PLPBP: variants seen among roughly 807,000 people sequenced by gnomAD.
PLPBP encodes pyridoxal phosphate homeostasis protein.
In PLPBP, 21 loss-of-function variants were observed where a neutral mutation model predicts 31.2. That is an observed-to-expected ratio of 0.67 (90% confidence interval 0.48 to 0.97). The LOEUF (loss-of-function observed/expected upper bound fraction) is 0.97, where lower values mean the gene tolerates loss of function less well. PLPBP is among the 50% of genes least tolerant of loss of function. PLPBP has a pLI of 0.00. For synonymous variants in PLPBP, 124 were observed against 135.6 expected (o/e 0.91, Z 0.59); for missense variants, 308 against 354.4 (o/e 0.87, Z 1.05).
At chr8:37,775,502 T>C in intron 6 of PLPBP, 21 bp downstream of exon 6, 1 of 1,612,960 alleles carries the variant, frequency 6.2e-7, no homozygotes, top group Non-Finnish European at 8.5e-7. Flanking sequence ...GTCGGGGAGA[T>C]TGCTCGTGTG....
intron 5 of PLPBP, among the ~76,000 whole-genome samples, chr8:37,774,205 C>A (rs1211965276): frequency 1.3e-5 from 2 of 151,688 alleles, no homozygotes; most frequent in Non-Finnish European, 2.9e-5. Context: ...AGTTAGACTC[C>A]ATCTCAAAAA....
intron 1 of PLPBP, among the ~76,000 whole-genome samples, chr8:37,764,071 C>CTTTTTTTTTTTTTT (rs111913973): frequency 2.4e-5 from 3 of 126,900 alleles, no homozygotes; most frequent in Non-Finnish European, 3.4e-5. Flanking sequence ...TCTTTTCTTT[C>CTTTTTTTTTTTTTT]TTTTTTTTTT....
Position 37,762,722 on chromosome 8 carries a change from C to A in PLPBP, c.63C>A (p.Asn21Lys). 1 of 1,587,374 alleles carries A rather than the reference C, an allele frequency of 6.3e-7. No homozygotes were observed. Among genetic ancestry groups the A allele is most frequent in the Non-Finnish European group, 8.5e-7 (1 of 1,171,914 alleles). Reference protein sequence around the residue: ...LGVGCALRAVNERVQQAVARR... With the variant: ...LGVGCALRAVKERVQQAVARR... ...TCGGGTGCGCATTGCGGGCGGTGAA[C>A]GAGCGCGTGCAGCAGGCTGTGGCGC... Residue 21 changes from asparagine (N) to lysine (K), a missense_variant, in exon 1 of 8, where the codon AAC (asparagine) becomes AAA (lysine). Asn to Lys is a moderately conservative substitution (Grantham distance 94, BLOSUM62 0). Coordinates refer to ENST00000328195, the MANE Select transcript of PLPBP (RefSeq NM_007198.4).
At chr8:37,775,314 C>T (rs2129809222) in intron 5 of PLPBP, 25 bp from the exon 6 acceptor site, 1 of 1,613,772 alleles carries the variant, frequency 6.2e-7, no homozygotes, top group Admixed American at 1.7e-5. Flanking sequence ...TGCAGTATAC[C>T]TGTTTTCTGT....
intron 4 of PLPBP, among the ~76,000 whole-genome samples, chr8:37,769,481 A>G (rs1803717909): frequency 1.3e-5 from 2 of 152,028 alleles, no homozygotes; most frequent in Non-Finnish European, 2.9e-5. Context: ...GAAGAGATTC[A>G]TATCCAGAAT....
At chr8:37,762,792 G>C (rs749226668) in intron 1 of PLPBP, 34 bp downstream of exon 1, 10 of 1,534,170 alleles carry the variant, frequency 6.5e-6, no homozygotes, top group Non-Finnish European at 7.9e-6. Flanking sequence ...ACGGTGGGCG[G>C]CCGCCTTGAG....
chr8:37,768,676 T>C (rs1000769785), intron 4 of PLPBP, among the ~76,000 whole-genome samples: 10 of 152,124 alleles, frequency 6.6e-5, no homozygotes, highest in African/African-American at 2.4e-4. Flanking sequence ...GGTTTCACCA[T>C]CTTGGCTAGG....
At chr8:37,764,007 G>C (rs1398541516) in intron 1 of PLPBP, among the ~76,000 whole-genome samples, 2 of 150,780 alleles carry the variant, frequency 1.3e-5, no homozygotes, top group Non-Finnish European at 3.0e-5. Context: ...TGTCACATAG[G>C]TCTGATCCTG....
intron 4 of PLPBP, 187 bp downstream of exon 4, chr8:37,766,542 A>G: frequency 2.4e-6 from 3 of 1,231,210 alleles, no homozygotes; most frequent in Non-Finnish European, 3.0e-6. Context: ...TGAATTCACC[A>G]TTTTCTGGGT....
chr8:37,763,513 A>G (rs1803539610), intron 1 of PLPBP, among the ~76,000 whole-genome samples: 1 of 152,110 alleles, frequency 6.6e-6, no homozygotes, highest in Non-Finnish European at 1.5e-5. Flanking sequence ...ACTATTCCTT[A>G]GACGTTACCT....
chr8:37,765,263 C>T (rs918193761), intron 1 of PLPBP, among the ~76,000 whole-genome samples: 1 of 152,208 alleles, frequency 6.6e-6, no homozygotes, highest in African/African-American at 2.4e-5. Context: ...TTAACTTGCC[C>T]GGCTCTCCTG....
chr8:37,770,845 G>A (rs1024637221), intron 4 of PLPBP, among the ~76,000 whole-genome samples: 14 of 152,198 alleles, frequency 9.2e-5, no homozygotes, highest in Non-Finnish European at 1.3e-4. Flanking sequence ...CCAAGGTGCT[G>A]GGATCGCAGG....
Position 37,776,047 on chromosome 8 carries a change from C to T in PLPBP, c.696+31C>T, listed in dbSNP as rs200490687. ...TGTCCTGCCAGTGCCCTGTCTGCCT[C>T]GAGGGGTGGGGGTAGGGGGTCTGAG... On this transcript the variant is annotated intron_variant, in intron 7 of 7. Coordinates refer to ENST00000328195, the MANE Select transcript of PLPBP (RefSeq NM_007198.4). 54 of 1,587,076 alleles carry T rather than the reference C, an allele frequency of 3.4e-5. No individual in the cohort carries two copies. The African/African-American group carries it at 5.7e-4, about 17-fold the overall frequency.
chr8:37,765,399 A>G (rs1803596052), intron 1 of PLPBP, 127 bp from the exon 2 acceptor site: 10 of 860,700 alleles, frequency 1.2e-5, no homozygotes, highest in Non-Finnish European at 1.7e-5. Flanking sequence ...TACAGTGTTG[A>G]AAAAATGGAT....
intron 4 of PLPBP, among the ~76,000 whole-genome samples, chr8:37,772,104 A>G (rs1803785616): frequency 6.6e-6 from 1 of 152,026 alleles, no homozygotes; most frequent in Non-Finnish European, 1.5e-5. Context: ...TTTGTAATAA[A>G]AAATAAGAAA....
At chr8:37,763,687 G>GGAA in intron 1 of PLPBP, among the ~76,000 whole-genome samples, 1 of 152,242 alleles carries the variant, frequency 6.6e-6, no homozygotes, top group East Asian at 1.9e-4. Flanking sequence ...AGGCAGATGG[G>GGAA]CTGCCTGTTC....
chr8:37,777,988 A>G lies in PLPBP; in HGVS notation c.712A>G (p.Thr238Ala). Residue 238 changes from threonine (T) to alanine (A), a missense_variant, in exon 8 of 8, where the codon ACA becomes GCA. Physicochemically the swap from Thr to Ala is moderately conservative, Grantham distance 58. This residue lies in a region of PLPBP where 188 missense variants were observed against 259.3 expected (regional missense o/e 0.73). Transcript: ENST00000328195. ...DFQHAVEVGSTNVRIGSTIFG... is the reference protein window; with the variant it reads ...DFQHAVEVGSANVRIGSTIFG... ...TTTCCCACAGGTTGAAGTAGGATCT[A>G]CAAATGTCCGAATAGGAAGCACGAT... 1.2e-6 allele frequency: 2 copies of G among 1,612,710 alleles called. No homozygotes were observed. Among genetic ancestry groups the G allele is most frequent in the Non-Finnish European group, 1.7e-6 (2 of 1,178,936 alleles).
At chr8:37,763,140 G>C (rs138022280) in intron 1 of PLPBP, among the ~76,000 whole-genome samples, 1 of 152,160 alleles carries the variant, frequency 6.6e-6, no homozygotes, top group South Asian at 2.1e-4. Flanking sequence ...GGCCAGAGAC[G>C]CCCGAGATCG....
chr8:37,776,114 A>C, intron 7 of PLPBP, 98 bp downstream of exon 7: 1 of 1,171,462 alleles, frequency 8.5e-7, no homozygotes. Context: ...AAGCCTTGGA[A>C]ATGCCTTGGG....
Sources: gnomAD v4.1 joint callset for allele counts (sites outside exome capture counted in the v4.1 genomes callset) on GRCh38, gnomAD v4.1.1 for gene constraint, gnomAD v4.1.1 regional missense constraint, MANE v1.5 for transcripts, NCBI Gene and HGNC (gene_info 2026-07-23, HGNC 2026-07-21) for gene names.